The following SPON1 variants were observed in gnomAD, a reference collection of about 807,000 sequenced individuals.
SPON1 encodes the protein spondin 1, also known as spondin-1.
A neutral mutation model predicts 111.7 loss-of-function variants in SPON1; 52 were observed. The observed-to-expected ratio is 0.47, with a 90% CI of 0.37 to 0.59. SPON1 has a LOEUF of 0.59. SPON1 is among the 20% of genes least tolerant of loss of function. The pLI is 0.00. For synonymous variants in SPON1, 410 were observed against 395.8 expected (o/e 1.04, Z -0.43); for missense variants, 957 against 1,068.5 (o/e 0.90, Z 1.46).
At chr11:13,996,441 T>C (rs12289489) in intron 2 of SPON1, among the ~76,000 whole-genome samples, 26,104 of 152,192 alleles carry the variant, frequency 0.17, 3,462 homozygotes, top group African/African-American at 0.37. Flanking sequence ...CCCTGGTCTC[T>C]AGTGCCTGCT....
In SPON1 at chr11:13,963,187, C is replaced by G. The variant is rs141482815; in HGVS notation, c.238+45C>G. The G allele has an allele frequency of 2.0e-3, 2,713 of 1,389,324 alleles. 35 individuals carry two copies. In the African/African-American group the frequency reaches 0.037, roughly 19 times the overall value. The allele number at this position is 1,389,324 out of a possible 1,614,324, so 86.1% of individuals were successfully genotyped here. ...GGCATTAGGAGAGCGGGACCCGGTC[C>G]CCGGAGGGCGCCGACCTCGCGGTGC... is the stretch of plus-strand genomic sequence containing the variant. On this transcript the variant is annotated intron_variant, in intron 1 of 15. Transcript: ENST00000576479.
chr11:14,224,376 T>C (rs1848714425), intron 6 of SPON1, among the ~76,000 whole-genome samples: 1 of 152,028 alleles, frequency 6.6e-6, no homozygotes, highest in Admixed American at 6.6e-5. Flanking sequence ...CAAGTAGGCA[T>C]TACCTAGGTG....
chr11:14,256,904 T>C (rs1554941282), intron 10 of SPON1, among the ~76,000 whole-genome samples: 2 of 152,190 alleles, frequency 1.3e-5, no homozygotes, highest in African/African-American at 4.8e-5. Flanking sequence ...TCAGAATATA[T>C]ACTCAACAAC....
At chr11:14,030,272 A>C (rs1347276460) in intron 2 of SPON1, among the ~76,000 whole-genome samples, 1 of 152,232 alleles carries the variant, frequency 6.6e-6, no homozygotes, top group East Asian at 1.9e-4. Flanking sequence ...CAGGGCGCCT[A>C]CGCATCTTGG....
At chr11:13,994,318 T>G (rs537242633) in intron 2 of SPON1, among the ~76,000 whole-genome samples, 1 of 152,344 alleles carries the variant, frequency 6.6e-6, no homozygotes, top group African/African-American at 2.4e-5. Context: ...GTTTCTTGCA[T>G]AAAACTTTTT....
chr11:14,247,982 G>A (rs902105289), intron 7 of SPON1, among the ~76,000 whole-genome samples: 3 of 152,212 alleles, frequency 2.0e-5, no homozygotes, highest in Admixed American at 6.5e-5. Context: ...GAGTTCCAAA[G>A]ATCTCTACTA....
At chr11:14,190,190 C>A (rs1473370494) in intron 6 of SPON1, among the ~76,000 whole-genome samples, 1 of 151,876 alleles carries the variant, frequency 6.6e-6, no homozygotes, top group Non-Finnish European at 1.5e-5. Context: ...TGAACTTCCT[C>A]AGCCAAGCAA....
intron 4 of SPON1, among the ~76,000 whole-genome samples, chr11:14,079,367 T>G (rs1252829097): frequency 6.6e-6 from 1 of 152,244 alleles, no homozygotes. Context: ...TGATTATATA[T>G]GCATGCCTCT....
intron 3 of SPON1, among the ~76,000 whole-genome samples, chr11:14,057,844 C>CCAAAAAA (rs1848757946): frequency 2.4e-5 from 3 of 125,460 alleles, no homozygotes; most frequent in African/African-American, 8.8e-5. Flanking sequence ...AAAAAAAAAA[C>CCAAAAAA]AAAACAAAAA....
chr11:14,125,073 C>G (rs1209216736), intron 5 of SPON1, among the ~76,000 whole-genome samples: 20 of 152,210 alleles, frequency 1.3e-4, no homozygotes, highest in African/African-American at 4.8e-4. Context: ...CCAGAATGGT[C>G]TGGTCAGAGT....
chr11:14,245,008 G>C (rs1386593120), intron 7 of SPON1, among the ~76,000 whole-genome samples: 1 of 152,168 alleles, frequency 6.6e-6, no homozygotes, highest in Non-Finnish European at 1.5e-5. Context: ...CCAAGAAGAT[G>C]GTTTACGAAG....
chr11:14,259,528 C>A lies in SPON1; in HGVS notation c.1664-6C>A. The stretch of plus-strand genomic sequence containing the variant: ...GGTGCGACTCCAATGCCGCTGGCCT[C>A]CCCAGCTCCCAGCAGCTGCCTGATG... On this transcript the variant is annotated splice_polypyrimidine_tract_variant and splice_region_variant and intron_variant, in intron 12 of 15. Transcript: ENST00000576479. This position sits in a 1 kb window ranked among gnomAD's most constrained non-coding sequence, Gnocchi z 5.0. 2 of 1,556,356 alleles carry A rather than the reference C, an allele frequency of 1.3e-6. No individual in the cohort carries two copies. Among genetic ancestry groups the A allele is most frequent in the East Asian group, 4.8e-5 (2 of 41,330 alleles).
rs533429234 is a variant in SPON1, at chr11:13,989,257, T to G, written c.345+6304T>G. On this transcript the variant is annotated intron_variant, in intron 2 of 15. Transcript: ENST00000576479. ...TATTGGTTTATTCAGGGATTCAGCTTCTTCATGGTTTCGACTTGGGAGGGT... is the reference window on the plus strand; with the variant it reads ...TATTGGTTTATTCAGGGATTCAGCTGCTTCATGGTTTCGACTTGGGAGGGT... Among the ~76,000 whole-genome samples, 30 of 152,330 alleles carry G rather than the reference T, an allele frequency of 2.0e-4. No homozygotes were observed. In the South Asian group the frequency reaches 4.8e-3, roughly 24 times the overall value.
chr11:14,200,659 C>CA (rs1263505082), intron 6 of SPON1, among the ~76,000 whole-genome samples: 2 of 151,442 alleles, frequency 1.3e-5, no homozygotes, highest in Non-Finnish European at 2.9e-5. Context: ...GCTAAAAATA[C>CA]AAAAAATTAG....
In SPON1 at chr11:13,962,835, C is replaced by T. The variant is rs1175899468; in HGVS notation, c.-70C>T. 3 of 1,352,158 alleles carry T rather than the reference C, an allele frequency of 2.2e-6. No homozygotes were observed. The highest frequency in any genetic ancestry group is 5.8e-5 in the East Asian group (2 of 34,226). 83.8% of individuals were successfully genotyped at this position (1,352,158 alleles called of 1,614,324 possible). On this transcript the variant is annotated 5_prime_UTR_variant, in exon 1 of 16. Transcript: ENST00000576479. ...CGCCTCCGCCAGGTCGCGCCTTCGTCGGGACCACTTCGGGCAGGAGTCGCG... is the reference window on the plus strand; with the variant it reads ...CGCCTCCGCCAGGTCGCGCCTTCGTTGGGACCACTTCGGGCAGGAGTCGCG...
At chr11:13,991,212 A>T (rs1356055888) in intron 2 of SPON1, among the ~76,000 whole-genome samples, 1 of 152,216 alleles carries the variant, frequency 6.6e-6, no homozygotes, top group Non-Finnish European at 1.5e-5. Context: ...AGGTACACCC[A>T]TCAAACATAG....
intron 6 of SPON1, among the ~76,000 whole-genome samples, chr11:14,230,517 C>T (rs1554938559): frequency 1.3e-5 from 2 of 152,158 alleles, no homozygotes; most frequent in Non-Finnish European, 2.9e-5. Context: ...AAGTGAAGAA[C>T]TCATCAGCTA....
At chr11:14,026,587 A>G (rs1214467802) in intron 2 of SPON1, among the ~76,000 whole-genome samples, 6 of 152,060 alleles carry the variant, frequency 3.9e-5, no homozygotes, top group African/African-American at 1.2e-4. Context: ...GGGGTGGGGG[A>G]AACGGGGTGC....
At chr11:14,127,238 A>G (rs557931896) in intron 5 of SPON1, among the ~76,000 whole-genome samples, 2 of 152,036 alleles carry the variant, frequency 1.3e-5, no homozygotes, top group Non-Finnish European at 2.9e-5. Flanking sequence ...GAGAGTGACT[A>G]ACTGATGTGT....
Sources: gnomAD v4.1 joint callset for allele counts (sites outside exome capture counted in the v4.1 genomes callset) on GRCh38, gnomAD v4.1.1 for gene constraint, Gnocchi (gnomAD v3.1) non-coding constraint, MANE v1.5 for transcripts, NCBI Gene and HGNC (gene_info 2026-07-23, HGNC 2026-07-21) for gene names.